The following C1orf21 variants were observed in gnomAD, a reference collection of about 807,000 sequenced individuals.
The protein encoded by C1orf21 is uncharacterized protein C1orf21.
A neutral mutation model predicts 18.7 loss-of-function variants in C1orf21; 3 were observed. The observed-to-expected ratio is 0.16, with a 90% CI of 0.07 to 0.42. The LOEUF (loss-of-function observed/expected upper bound fraction) is 0.42, where lower values mean the gene tolerates loss of function less well. Among genes scored for constraint, C1orf21 ranks in the 10% least tolerant of loss-of-function variants. The pLI, the probability that C1orf21 is intolerant of heterozygous loss-of-function variation, is 0.99. For missense variants in C1orf21, 104 were observed against 143.6 expected (o/e 0.72, Z 1.41); for synonymous variants, 41 against 46.4 (o/e 0.88, Z 0.47).
At chr1:184,595,071 C>T (rs971160773) in intron 4 of C1orf21, among the ~76,000 whole-genome samples, 14 of 152,120 alleles carry the variant, frequency 9.2e-5, no homozygotes, top group African/African-American at 1.4e-4. Context: ...GCTTTGCCAG[C>T]GCTGACCAAG....
chr1:184,579,255 T>A (rs1418942886), intron 3 of C1orf21, among the ~76,000 whole-genome samples: 1 of 150,554 alleles, frequency 6.6e-6, no homozygotes, highest in East Asian at 1.9e-4. Context: ...TTCCACCATG[T>A]TAGCCAGGCT....
intron 3 of C1orf21, among the ~76,000 whole-genome samples, chr1:184,583,867 A>C (rs962664625): frequency 2.0e-5 from 3 of 152,230 alleles, no homozygotes; most frequent in African/African-American, 4.8e-5. Context: ...TTTAGGGAGA[A>C]TACTTAGTTC....
chr1:184,526,358 C>T (rs1658376204), intron 3 of C1orf21, among the ~76,000 whole-genome samples: 1 of 152,110 alleles, frequency 6.6e-6, no homozygotes, highest in Admixed American at 6.6e-5. Context: ...TCTGACATCC[C>T]CTAGAAAATA....
intron 1 of C1orf21, among the ~76,000 whole-genome samples, chr1:184,455,137 A>C (rs1657179075): frequency 6.6e-6 from 1 of 152,166 alleles, no homozygotes; most frequent in African/African-American, 2.4e-5. Flanking sequence ...AAATGGTATA[A>C]GCATACTCAG....
At chr1:184,512,512 C>G (rs1658165170) in intron 3 of C1orf21, among the ~76,000 whole-genome samples, 2 of 152,148 alleles carry the variant, frequency 1.3e-5, no homozygotes, top group South Asian at 4.1e-4. Context: ...TATGTACTCA[C>G]AATATGAAGA....
rs1660000999 is a variant in C1orf21 at position 184,625,889 on chromosome 1, C to T, written c.*6333C>T. ...TTCCTGGCCTTACACACATAATAGA[C>T]ACATCCCTAACGGCGTGTGCCTGGT... On this transcript the variant is annotated 3_prime_UTR_variant, in exon 6 of 6. Transcript: ENST00000235307. The T allele has an allele frequency of 6.6e-6, 1 of 152,184 alleles. No individual in the cohort carries two copies. 9.4% of individuals were successfully genotyped at this position (152,184 alleles called of 1,614,324 possible).
At chr1:184,596,235 A>G (rs1659511441) in intron 4 of C1orf21, among the ~76,000 whole-genome samples, 1 of 152,212 alleles carries the variant, frequency 6.6e-6, no homozygotes. Flanking sequence ...GTTAGTGACA[A>G]TCATAGACAG....
intron 3 of C1orf21, among the ~76,000 whole-genome samples, chr1:184,546,596 T>C (rs1387028333): frequency 6.6e-6 from 1 of 152,206 alleles, no homozygotes; most frequent in African/African-American, 2.4e-5. Flanking sequence ...TATCAATGAC[T>C]ACAGACCACA....
chr1:184,459,129 T>G (rs1657264754), intron 1 of C1orf21, among the ~76,000 whole-genome samples: 2 of 152,244 alleles, frequency 1.3e-5, no homozygotes, highest in Admixed American at 1.3e-4. Flanking sequence ...TAGGGACTTT[T>G]CCAGGGTTCT....
intron 1 of C1orf21, among the ~76,000 whole-genome samples, chr1:184,394,090 A>G (rs1469459273): frequency 6.6e-6 from 1 of 152,216 alleles, no homozygotes; most frequent in Non-Finnish European, 1.5e-5. Flanking sequence ...CTGGAAAAAT[A>G]TATCCCATTG....
At chr1:184,565,097 C>T (rs1659017144) in intron 3 of C1orf21, among the ~76,000 whole-genome samples, 1 of 152,180 alleles carries the variant, frequency 6.6e-6, no homozygotes, top group South Asian at 2.1e-4. Flanking sequence ...TGCTGTCAAA[C>T]CTCATGATGT....
chr1:184,497,487 G>A (rs1285551598), intron 2 of C1orf21, among the ~76,000 whole-genome samples: 2 of 152,228 alleles, frequency 1.3e-5, no homozygotes, highest in Non-Finnish European at 2.9e-5. Context: ...ACACGAGAGT[G>A]GGTGCTCCCA....
At chr1:184,575,292 C>G (rs1013489363) in intron 3 of C1orf21, among the ~76,000 whole-genome samples, 3 of 152,130 alleles carry the variant, frequency 2.0e-5, no homozygotes, top group Non-Finnish European at 4.4e-5. Context: ...ATTGACTGTT[C>G]AGATTGTGTA....
At chr1:184,418,892 G>C (rs1390120770) in intron 1 of C1orf21, among the ~76,000 whole-genome samples, 1 of 152,166 alleles carries the variant, frequency 6.6e-6, no homozygotes, top group Non-Finnish European at 1.5e-5. Context: ...CTATCACAAT[G>C]TCAGAATGAT....
At chr1:184,582,501 C>G (rs145086304) in intron 3 of C1orf21, among the ~76,000 whole-genome samples, 3 of 152,292 alleles carry the variant, frequency 2.0e-5, no homozygotes, top group Admixed American at 1.3e-4. Context: ...TTAGCAGTCC[C>G]AAGAGCCGAT....
chr1:184,560,638 G>A (rs1044926617), intron 3 of C1orf21, among the ~76,000 whole-genome samples: 1 of 152,154 alleles, frequency 6.6e-6, no homozygotes, highest in Non-Finnish European at 1.5e-5. Context: ...CAAGTGGAGT[G>A]TGGGGGAGAC....
chr1:184,464,162 T>C (rs1482137763), intron 1 of C1orf21, among the ~76,000 whole-genome samples: 1 of 152,218 alleles, frequency 6.6e-6, no homozygotes, highest in African/African-American at 2.4e-5. Context: ...AGGCATTCAT[T>C]TATTTTTTAT....
intron 1 of C1orf21, among the ~76,000 whole-genome samples, chr1:184,428,276 A>C (rs1656672886): frequency 6.6e-6 from 1 of 152,240 alleles, no homozygotes; most frequent in Non-Finnish European, 1.5e-5. Flanking sequence ...ATCATTGTAT[A>C]GGGGACAGTA....
intron 1 of C1orf21, among the ~76,000 whole-genome samples, chr1:184,414,283 C>T (rs1483979724): frequency 1.3e-5 from 2 of 152,120 alleles, no homozygotes; most frequent in African/African-American, 2.4e-5. Context: ...GGCATGCCAA[C>T]ATGCCTGGCT....
Sources: allele counts gnomAD v4.1 joint callset (sites outside exome capture counted in the v4.1 genomes callset), GRCh38; gene constraint gnomAD v4.1.1; transcripts MANE v1.5; gene names NCBI Gene and HGNC (gene_info 2026-07-23, HGNC 2026-07-21).